The following PGAM5 variants were observed in gnomAD, a reference collection of about 807,000 sequenced individuals.
PGAM5 encodes serine/threonine-protein phosphatase PGAM5, mitochondrial.
Under a neutral mutation model 30.6 loss-of-function variants are expected in PGAM5, and 25 were observed. The observed-to-expected ratio is 0.82, with a 90% CI of 0.60 to 1.14. PGAM5 has a LOEUF of 1.14. PGAM5 is among the 50% of genes most tolerant of loss of function. The probability of loss-of-function intolerance (pLI) is 0.00; values close to 1 mark genes in which losing one functional copy is unlikely to be tolerated. For synonymous variants in PGAM5, 201 were observed against 179.1 expected (o/e 1.12, Z -0.98); for missense variants, 384 against 408.5 (o/e 0.94, Z 0.52).
At chr12:132,718,803 G>T in intron 5 of PGAM5, 1 of 1,613,574 alleles carries the variant, frequency 6.2e-7, no homozygotes, top group Non-Finnish European at 8.5e-7. Context: ...GTGCTTCTGG[G>T]GTCCTGACCT....
At chr12:132,719,093 G>A in intron 5 of PGAM5, 1 of 1,395,710 alleles carries the variant, frequency 7.2e-7, no homozygotes, top group African/African-American at 1.5e-5. Flanking sequence ...GGGGGGCAGG[G>A]CCAGCTCTAC....
intron 2 of PGAM5, among the ~76,000 whole-genome samples, chr12:132,716,011 G>A (rs1423665312): frequency 2.6e-5 from 4 of 152,080 alleles, no homozygotes; most frequent in Admixed American, 6.6e-5. Context: ...TTGTGCCCTC[G>A]GCTGCTCACC....
Position 132,711,003 on chromosome 12 carries a change from G to T in PGAM5, c.127G>T (p.Glu43Ter). The part of the protein sequence containing the change: ...AGGDAEPRPA[E>*]PPAWAGGARP... ...CGGGGACGCGGAGCCACGCCCGGCT[G>T]AGCCGCCGGCCTGGGCGGGGGGCGC... The change falls in exon 1 of 6, where the codon GAG (glutamate) becomes TAG (stop). Residue 43 changes from glutamate to a stop codon, truncating the protein, a stop_gained. Transcript: ENST00000498926. LOFTEE classifies it high-confidence loss of function. 1 of 1,209,078 alleles carries T rather than the reference G, an allele frequency of 8.3e-7. No homozygotes were observed. Among genetic ancestry groups the T allele is most frequent in the Non-Finnish European group, 1.0e-6 (1 of 973,772 alleles). 74.9% of individuals were successfully genotyped at this position (1,209,078 alleles called of 1,614,324 possible). A position where few individuals can be genotyped will look rare whatever the true frequency, so the allele number is the denominator to read the frequency against.
At chr12:132,718,687 C>T in intron 5 of PGAM5, 5 of 1,533,204 alleles carry the variant, frequency 3.3e-6, no homozygotes, top group Non-Finnish European at 4.5e-6. Flanking sequence ...GTTGTTTTCC[C>T]TTTGTAATTG....
chr12:132,717,869 C>G (rs541459213), intron 4 of PGAM5, 71 bp downstream of exon 4: 1 of 1,591,422 alleles, frequency 6.3e-7, no homozygotes, highest in African/African-American at 1.3e-5. Context: ...GCTGGGCTCA[C>G]CATCCACCAC....
rs1469378727 is a variant in PGAM5 at position 132,722,597 on chromosome 12, T to G, written c.*1769T>G. ...TGTGTGTACCCAGATATGCTGTTAA[T>G]TTAGGAAAAACAGTACAATTTCTAT... On this transcript the variant is annotated 3_prime_UTR_variant, in exon 6 of 6. Coordinates refer to ENST00000498926, the MANE Select transcript of PGAM5 (RefSeq NM_001170543.2). 6.6e-6 allele frequency: 1 copy of G among 152,160 alleles called. No individual in the cohort carries two copies. The highest frequency in any genetic ancestry group is 1.5e-5 in the Non-Finnish European group (1 of 68,034). 9.4% of individuals were successfully genotyped at this position (152,160 alleles called of 1,614,324 possible). A position where few individuals can be genotyped will look rare whatever the true frequency, so the allele number is the denominator to read the frequency against.
intron 5 of PGAM5, chr12:132,719,171 GCCT>G: frequency 8.1e-7 from 1 of 1,228,734 alleles, no homozygotes; most frequent in Non-Finnish European, 1.0e-6. Flanking sequence ...AAACAAATTT[GCCT>G]CTTCTCTGGA....
Sources: allele counts gnomAD v4.1 joint callset (sites outside exome capture counted in the v4.1 genomes callset), GRCh38; gene constraint gnomAD v4.1.1; transcripts MANE v1.5; gene names NCBI Gene and HGNC (gene_info 2026-07-23, HGNC 2026-07-21).